SOX5: variants seen among roughly 807,000 people sequenced by gnomAD.
The protein encoded by SOX5 is transcription factor SOX-5.
In SOX5, 9 loss-of-function variants were observed where a neutral mutation model predicts 92.0. The ratio of observed to expected loss-of-function variants is 0.10; its 90% CI spans 0.06 to 0.17. The LOEUF (loss-of-function observed/expected upper bound fraction) is 0.17, where lower values mean the gene tolerates loss of function less well. Ranked by LOEUF, SOX5 falls within the 10% of genes least tolerant of loss-of-function variation. SOX5 has a pLI of 1.00. For missense variants in SOX5, 642 were observed against 944.5 expected (o/e 0.68, Z 4.20); for synonymous variants, 344 against 336.3 (o/e 1.02, Z -0.25).
chr12:23,603,467 T>TAAAATATATATATATA (rs1566226312), intron 9 of SOX5, among the ~76,000 whole-genome samples: 1 of 92,050 alleles, frequency 1.1e-5, no homozygotes. Flanking sequence ...TATATATATA[T>TAAAATATATATATATA]TTTGCTGGTA....
intron 4 of SOX5, among the ~76,000 whole-genome samples, chr12:24,189,675 G>A (rs545521568): frequency 2.0e-5 from 3 of 152,146 alleles, no homozygotes; most frequent in South Asian, 2.1e-4. Context: ...TTAGTTTGTC[G>A]ATTCTAGTTC....
chr12:23,644,508 T>TAG (rs1339731499), intron 7 of SOX5, among the ~76,000 whole-genome samples: 3 of 152,228 alleles, frequency 2.0e-5, no homozygotes, highest in African/African-American at 7.2e-5. Context: ...GTATGTGTAT[T>TAG]AGAGTTTGAG....
intron 4 of SOX5, among the ~76,000 whole-genome samples, chr12:24,039,864 T>C (rs1426270850): frequency 6.6e-6 from 1 of 152,192 alleles, no homozygotes; most frequent in Non-Finnish European, 1.5e-5. Context: ...ATGCCTATTG[T>C]GTCCTACCGG....
intron 8 of SOX5, among the ~76,000 whole-genome samples, chr12:23,624,277 A>C (rs7953799): frequency 0.58 from 88,551 of 151,830 alleles, 26,206 homozygotes; most frequent in African/African-American, 0.67. Context: ...ATGGTTGTAC[A>C]ACAGTGTAAA....
chr12:23,592,339 T>C (rs1051453663), intron 9 of SOX5, among the ~76,000 whole-genome samples: 3 of 152,210 alleles, frequency 2.0e-5, no homozygotes, highest in Admixed American at 6.5e-5. Context: ...ACCAAAATGA[T>C]AAAACATATT....
At chr12:23,711,762 C>T (rs1238441421) in intron 6 of SOX5, among the ~76,000 whole-genome samples, 1 of 152,002 alleles carries the variant, frequency 6.6e-6, no homozygotes, top group Non-Finnish European at 1.5e-5. Flanking sequence ...AGTAATTATC[C>T]TAACACAATA....
At chr12:24,455,793 C>T (rs1245453302) in intron 1 of SOX5, among the ~76,000 whole-genome samples, 1 of 152,132 alleles carries the variant, frequency 6.6e-6, no homozygotes, top group Non-Finnish European at 1.5e-5. Flanking sequence ...GGCCCTCCTT[C>T]CAGCTGCCGG....
intron 2 of SOX5, among the ~76,000 whole-genome samples, chr12:24,366,366 C>G (rs1280700158): frequency 6.6e-6 from 1 of 152,092 alleles, no homozygotes; most frequent in Non-Finnish European, 1.5e-5. Context: ...GTGATCTAAT[C>G]AGAATGAATT....
intron 1 of SOX5, among the ~76,000 whole-genome samples, chr12:24,380,861 G>T (rs1277587406): frequency 6.6e-6 from 1 of 152,136 alleles, no homozygotes; most frequent in Non-Finnish European, 1.5e-5. Context: ...AATCAAATCA[G>T]AGTTTTGTAT....
chr12:24,259,359 T>C (rs1406332525), intron 3 of SOX5, among the ~76,000 whole-genome samples: 3 of 152,234 alleles, frequency 2.0e-5, no homozygotes, highest in Non-Finnish European at 2.9e-5. Context: ...CATTTGTGTG[T>C]ATATATTTAC....
chr12:24,543,164 G>C (rs1566433844), intron 1 of SOX5, among the ~76,000 whole-genome samples: 1 of 152,208 alleles, frequency 6.6e-6, no homozygotes, highest in South Asian at 2.1e-4. Context: ...CACTGGAGGA[G>C]AGAGCATCTC....
chr12:24,296,522 T>C (rs1202827259), intron 2 of SOX5, among the ~76,000 whole-genome samples: 1 of 152,214 alleles, frequency 6.6e-6, no homozygotes, highest in Non-Finnish European at 1.5e-5. Flanking sequence ...TCTCCCTTCT[T>C]GACACAGTTG....
At chr12:23,691,943 T>A (rs897158290) in intron 6 of SOX5, among the ~76,000 whole-genome samples, 7 of 152,126 alleles carry the variant, frequency 4.6e-5, no homozygotes, top group African/African-American at 1.7e-4. Context: ...TTTCCTTAAT[T>A]TCTTGAGTGG....
chr12:24,349,683 C>G (rs1438182758), intron 2 of SOX5, among the ~76,000 whole-genome samples: 1 of 152,126 alleles, frequency 6.6e-6, no homozygotes, highest in African/African-American at 2.4e-5. Flanking sequence ...ATTTATCCAC[C>G]AATGGACACT....
At chr12:24,039,355 A>C (rs574973873) in intron 4 of SOX5, among the ~76,000 whole-genome samples, 18 of 152,330 alleles carry the variant, frequency 1.2e-4, no homozygotes, top group Non-Finnish European at 2.5e-4. Flanking sequence ...TTAAAACTTT[A>C]AAGTATATTG....
intron 4 of SOX5, among the ~76,000 whole-genome samples, chr12:24,095,769 T>C (rs772364494): frequency 4.6e-5 from 7 of 151,946 alleles, no homozygotes; most frequent in Non-Finnish European, 7.4e-5. Flanking sequence ...AGTGAGTGAG[T>C]TGTCATGAGA....
chr12:24,300,091 A>T lies in SOX5; in HGVS notation c.-173-22779T>A, dbSNP rs1455459778. Among the ~76,000 whole-genome samples, 3 of 152,378 alleles carry T rather than the reference A, an allele frequency of 2.0e-5. No homozygotes were observed. In the East Asian group the frequency reaches 5.8e-4, roughly 29 times the overall value. On this transcript the variant is annotated intron_variant, in intron 2 of 4. Coordinates refer to the SOX5 transcript ENST00000446891. Reference sequence around the variant, plus strand: ...GAGAACAAAGCGAAACACTGCTTTCATGAACAATTTAAATGTATTTTAAAC... The same window carrying T: ...GAGAACAAAGCGAAACACTGCTTTCTTGAACAATTTAAATGTATTTTAAAC...
At chr12:23,536,696 A>G in intron 13 of SOX5, 27 bp from the exon 14 acceptor site, 1 of 1,534,064 alleles carries the variant, frequency 6.5e-7, no homozygotes, top group Non-Finnish European at 9.0e-7. Context: ...TTAGGATTCC[A>G]ATTTGCACAG....
chr12:24,302,552 T>G (rs542886310), intron 2 of SOX5, among the ~76,000 whole-genome samples: 1 of 150,774 alleles, frequency 6.6e-6, no homozygotes, highest in East Asian at 1.9e-4. Context: ...GATCTATGAG[T>G]TTTGATTTTT....
Sources: allele counts gnomAD v4.1 joint callset (sites outside exome capture counted in the v4.1 genomes callset), GRCh38; gene constraint gnomAD v4.1.1; transcripts MANE v1.5; gene names NCBI Gene and HGNC (gene_info 2026-07-23, HGNC 2026-07-21).